The following MAP7 variants were observed in gnomAD, a reference collection of about 807,000 sequenced individuals.
The protein encoded by MAP7 is microtubule associated protein 7, also known as ensconsin.
In MAP7, 52 loss-of-function variants were observed where a neutral mutation model predicts 94.8. The observed-to-expected ratio is 0.55, with a 90% CI of 0.44 to 0.69. The LOEUF is 0.69. Among genes scored for constraint, MAP7 ranks in the 30% least tolerant of loss-of-function variants. The pLI is 0.00. For missense variants in MAP7, 940 were observed against 964.6 expected (o/e 0.97, Z 0.34); for synonymous variants, 350 against 357.0 (o/e 0.98, Z 0.22).
chr6:136,391,475 G>A (rs1472127907), intron 3 of MAP7, among the ~76,000 whole-genome samples: 3 of 149,318 alleles, frequency 2.0e-5, no homozygotes, highest in Non-Finnish European at 4.4e-5. Flanking sequence ...TGGGTGCAGC[G>A]CACCAGCATG....
At chr6:136,469,533 C>A (rs1033203124) in intron 1 of MAP7, among the ~76,000 whole-genome samples, 1 of 152,120 alleles carries the variant, frequency 6.6e-6, no homozygotes, top group African/African-American at 2.4e-5. Context: ...AGGGGCATGC[C>A]ACCATGCCCA....
At chr6:136,435,785 C>T (rs1796227279) in intron 1 of MAP7, among the ~76,000 whole-genome samples, 1 of 152,024 alleles carries the variant, frequency 6.6e-6, no homozygotes, top group African/African-American at 2.4e-5. Flanking sequence ...TTTGAGGAAG[C>T]AAGAAAACCT....
intron 2 of MAP7, among the ~76,000 whole-genome samples, chr6:136,414,368 T>G (rs1388404681): frequency 6.7e-6 from 1 of 149,816 alleles, no homozygotes; most frequent in Non-Finnish European, 1.5e-5. Flanking sequence ...ACATATTTTT[T>G]ATGTAGGAAA....
chr6:136,498,113 C>T (rs1818831659), intron 1 of MAP7, among the ~76,000 whole-genome samples: 1 of 152,114 alleles, frequency 6.6e-6, no homozygotes, highest in Non-Finnish European at 1.5e-5. Context: ...ATGAAAGCTA[C>T]ACCTTTTCCC....
chr6:136,361,039 C>T lies in MAP7; in HGVS notation c.1667G>A (p.Arg556His), dbSNP rs34607647. ...GGCGCGCTCTGCCTCCTCCCGCTCG[C>T]GCAGCGCCCGCTCCTCCGCCTGCCG... Reference protein sequence around the residue: ...LQRQAEERALREREEAERAQR... With the variant: ...LQRQAEERALHEREEAERAQR... Residue 556 changes from arginine to histidine, a missense_variant, in exon 12 of 18, where the codon CGC (arginine) becomes CAC (histidine). Coordinates refer to ENST00000354570, the MANE Select transcript of MAP7 (RefSeq NM_003980.6). 12 of 1,582,118 alleles carry T rather than the reference C, an allele frequency of 7.6e-6. No homozygotes were observed. The highest frequency in any genetic ancestry group is 6.0e-6 in the Non-Finnish European group (7 of 1,170,280).
rs1368727620 is a variant in MAP7, at chr6:136,426,956, C to T, written c.68-5157G>A. ...AAAAAGGATCTCATCTTAAAGAAAA[C>T]AATAAAAGGAAATCAGACAAAAACA... On this transcript the variant is annotated intron_variant, in intron 1 of 17. Transcript: ENST00000354570. Among the ~76,000 whole-genome samples, 7 of 152,268 alleles carry T rather than the reference C, an allele frequency of 4.6e-5. No individual in the cohort carries two copies. The East Asian group carries it at 1.4e-3, about 29-fold the overall frequency.
At chr6:136,428,428 G>A (rs1793896883) in intron 1 of MAP7, among the ~76,000 whole-genome samples, 1 of 152,108 alleles carries the variant, frequency 6.6e-6, no homozygotes, top group Non-Finnish European at 1.5e-5. Context: ...GCTGAGGCAG[G>A]AGAATCGCTT....
chr6:136,529,031 C>G (rs920712672), intron 1 of MAP7, among the ~76,000 whole-genome samples: 2 of 152,176 alleles, frequency 1.3e-5, no homozygotes, highest in African/African-American at 4.8e-5. Context: ...TTCCCTTTTA[C>G]ATTTTGATCC....
chr6:136,356,843 TTAGACC>T, intron 15 of MAP7, 49 bp from the exon 16 acceptor site: 1 of 1,464,736 alleles, frequency 6.8e-7, no homozygotes, highest in Non-Finnish European at 9.5e-7. Flanking sequence ...TATTCTTTTC[TTAGACC>T]TAACCTCCAA....
At chr6:136,526,524 G>A in intron 1 of MAP7, 4 of 985,548 alleles carry the variant, frequency 4.1e-6, no homozygotes, top group Non-Finnish European at 4.8e-6. Flanking sequence ...ATCAAGAAGG[G>A]CCCAGAGCGG....
chr6:136,455,471 G>A (rs1291516965), intron 1 of MAP7, among the ~76,000 whole-genome samples: 4 of 151,958 alleles, frequency 2.6e-5, no homozygotes, highest in African/African-American at 4.8e-5. Flanking sequence ...TGAAAAACAC[G>A]ATAGACCAAA....
At chr6:136,496,184 T>C (rs1432066129) in intron 1 of MAP7, among the ~76,000 whole-genome samples, 1 of 152,178 alleles carries the variant, frequency 6.6e-6, no homozygotes, top group African/African-American at 2.4e-5. Flanking sequence ...AAAATTTAGG[T>C]ATTTTCCCCC....
At chr6:136,384,283 C>CGTTGTT (rs370736421) in intron 5 of MAP7, among the ~76,000 whole-genome samples, 1 of 151,582 alleles carries the variant, frequency 6.6e-6, no homozygotes. Flanking sequence ...GAAGAAGGCT[C>CGTTGTT]GTTGTTGTTG....
At chr6:136,495,345 G>A (rs945183115) in intron 1 of MAP7, among the ~76,000 whole-genome samples, 8 of 152,002 alleles carry the variant, frequency 5.3e-5, no homozygotes, top group African/African-American at 1.7e-4. Flanking sequence ...TGTGTGGACC[G>A]TTCCAATTTG....
At chr6:136,542,880 T>G (rs1004148775) in intron 1 of MAP7, among the ~76,000 whole-genome samples, 2 of 152,206 alleles carry the variant, frequency 1.3e-5, no homozygotes, top group Non-Finnish European at 1.5e-5. Flanking sequence ...GGCACTATTT[T>G]ACTTTGAGGT....
chr6:136,388,127 T>C (rs779763639), intron 5 of MAP7, among the ~76,000 whole-genome samples: 28 of 152,230 alleles, frequency 1.8e-4, no homozygotes, highest in Non-Finnish European at 3.5e-4. Context: ...GTGTTGAAGC[T>C]AGCATGTTTA....
At chr6:136,377,614 G>A in intron 7 of MAP7, 141 bp downstream of exon 7, 1 of 616,246 alleles carries the variant, frequency 1.6e-6, no homozygotes, top group Non-Finnish European at 2.9e-6. Context: ...CAATGACAGG[G>A]GTATGAAACC....
At position 136,361,149 on chromosome 6, in the gene MAP7, C is replaced by T; in HGVS notation, c.1557G>A (p.Val519=). 6.2e-7 allele frequency: 1 copy of T among 1,604,696 alleles called. No homozygotes were observed. The highest frequency in any genetic ancestry group is 8.5e-7 in the Non-Finnish European group (1 of 1,179,962). Residue 519 remains valine, a synonymous_variant, in exon 12 of 18, where the codon GTG becomes GTA. Transcript: ENST00000354570. Reference sequence around the variant, plus strand: ...CACGGCGAGTCGTCCTCTCTTCAGCCACACGTTGAGCCAATTCCTCTCTCT... The same window carrying T: ...CACGGCGAGTCGTCCTCTCTTCAGCTACACGTTGAGCCAATTCCTCTCTCT... ...RQKREELAQR[V]AEERTTRREE...
intron 1 of MAP7, among the ~76,000 whole-genome samples, chr6:136,452,188 C>T (rs920365223): frequency 6.7e-5 from 8 of 119,662 alleles, no homozygotes; most frequent in East Asian, 2.3e-4. Context: ...AGCAAGACTC[C>T]GTCTCAAACA....
Sources: allele counts gnomAD v4.1 joint callset (sites outside exome capture counted in the v4.1 genomes callset), GRCh38; gene constraint gnomAD v4.1.1; transcripts MANE v1.5; gene names NCBI Gene and HGNC (gene_info 2026-07-23, HGNC 2026-07-21).